Variants in ADAP1 observed in about 807,000 individuals in gnomAD.
ADAP1 encodes ArfGAP with dual PH domains 1.
A neutral mutation model predicts 54.9 loss-of-function variants in ADAP1; 31 were observed. That is an observed-to-expected ratio of 0.56 (90% CI 0.42 to 0.76). ADAP1 has a LOEUF of 0.76. Among genes scored for constraint, ADAP1 ranks in the 30% least tolerant of loss-of-function variants. The pLI is 0.00. For missense variants in ADAP1, 535 were observed against 512.4 expected (o/e 1.04, Z -0.42); for synonymous variants, 313 against 202.6 (o/e 1.55, Z -4.63).
rs373139881 is a variant in ADAP1 at position 906,064 on chromosome 7, GGA to G, written c.389-894_389-893del. Among the ~76,000 whole-genome samples, 12 of 3,478 alleles carry G rather than the reference GGA, an allele frequency of 3.5e-3. 3 individuals carry two copies. In the African/African-American group the frequency reaches 0.046, roughly 13 times the overall value. The allele number at this position is 3,478 out of a possible 152,430, so 2.3% of individuals were successfully genotyped here. ...AAAGGAGAAAGGAGAAAGGAGAAAGGGAGAAAGGAGAAAGGGAAAGGAGAAAG... is the reference window on the plus strand; with the variant it reads ...AAAGGAGAAAGGAGAAAGGAGAAAGGGAAAGGAGAAAGGGAAAGGAGAAAG... On this transcript the variant is annotated intron_variant, in intron 4 of 10. Transcript: ENST00000265846.
intron 6 of ADAP1, among the ~76,000 whole-genome samples, chr7:902,925 C>A (rs368301426): frequency 1.3e-5 from 2 of 152,196 alleles, no homozygotes; most frequent in African/African-American, 4.8e-5. Flanking sequence ...ACAGTCTAAG[C>A]CAGGCAGGAG....
chr7:903,743 C>T (rs1050637081), intron 6 of ADAP1, among the ~76,000 whole-genome samples: 4 of 152,158 alleles, frequency 2.6e-5, no homozygotes, highest in Non-Finnish European at 4.4e-5. Flanking sequence ...ATCTCCTCCC[C>T]GTAGGACCCC....
chr7:904,570 G>A (rs1845000289), intron 5 of ADAP1, among the ~76,000 whole-genome samples: 1 of 152,150 alleles, frequency 6.6e-6, no homozygotes, highest in Non-Finnish European at 1.5e-5. Flanking sequence ...CTCCCACAGG[G>A]GCAGGCCCCA....
intron 8 of ADAP1, 122 bp from the exon 9 acceptor site, chr7:899,612 C>CA (rs1283054526): frequency 8.7e-7 from 1 of 1,154,550 alleles, no homozygotes; most frequent in African/African-American, 1.6e-5. Flanking sequence ...TCCATTCACT[C>CA]ACGCCTGCCG....
intron 1 of ADAP1, among the ~76,000 whole-genome samples, chr7:947,444 G>A (rs544060950): frequency 4.6e-5 from 7 of 152,074 alleles, no homozygotes; most frequent in East Asian, 3.9e-4. Flanking sequence ...AGAGCTGCCC[G>A]TGTGGCTGCT....
chr7:946,788 G>A lies in ADAP1; in HGVS notation c.82+7608C>T, dbSNP rs1044769085. 5.3e-5 allele frequency among the ~76,000 whole-genome samples: 8 copies of A among 152,244 alleles called. No individual in the cohort carries two copies. The highest frequency in any genetic ancestry group is 4.1e-4 in the South Asian group (2 of 4,824). ...CTATTTTTGGAACTCGATAGAGGTG[G>A]TGGTTGAACAGCATGGAGAACGTTC... On this transcript the variant is annotated intron_variant, in intron 1 of 10. Transcript: ENST00000265846. This position sits in a 1 kb window ranked among gnomAD's most constrained non-coding sequence, Gnocchi z 4.3.
chr7:953,902 C>T (rs1211253003), intron 1 of ADAP1, among the ~76,000 whole-genome samples: 1 of 152,214 alleles, frequency 6.6e-6, no homozygotes, highest in African/African-American at 2.4e-5. Context: ...GAGCCGGGGG[C>T]AGGGGCGCCG....
intron 8 of ADAP1, 128 bp downstream of exon 8, chr7:899,974 G>A (rs749847826): frequency 3.5e-6 from 4 of 1,137,548 alleles, no homozygotes; most frequent in Non-Finnish European, 5.2e-6. Context: ...CACAGACAAG[G>A]GGCTGTGAGG....
At chr7:950,484 TCAA>T (rs1847240230) in intron 1 of ADAP1, among the ~76,000 whole-genome samples, 2 of 65,120 alleles carry the variant, frequency 3.1e-5, no homozygotes, top group Non-Finnish European at 2.7e-5. Flanking sequence ...AGACTCTGCC[TCAA>T]AAAAAAAAAA....
chr7:928,833 G>T (rs57403078), intron 2 of ADAP1, among the ~76,000 whole-genome samples: 1 of 152,144 alleles, frequency 6.6e-6, no homozygotes, highest in Non-Finnish European at 1.5e-5. Context: ...AGAGTCCAGC[G>T]ATTCCTCTGC....
chr7:908,634 C>T (rs962682629), intron 4 of ADAP1, among the ~76,000 whole-genome samples: 1 of 152,246 alleles, frequency 6.6e-6, no homozygotes, highest in Non-Finnish European at 1.5e-5. Flanking sequence ...TGAGCCCCTG[C>T]CCAGGCACAG....
At chr7:932,194 G>T (rs372184230) in intron 2 of ADAP1, among the ~76,000 whole-genome samples, 149 of 152,290 alleles carry the variant, frequency 9.8e-4, no homozygotes, top group African/African-American at 3.3e-3. Flanking sequence ...TCTCCCAAAG[G>T]CCCCATCGCA....
intron 4 of ADAP1, among the ~76,000 whole-genome samples, chr7:915,000 G>C (rs1317832657): frequency 1.2e-5 from 1 of 85,010 alleles, no homozygotes; most frequent in African/African-American, 5.7e-5. Context: ...GATCCCAGCA[G>C]CCTCCCTGCA....
At chr7:918,677 C>T (rs79387344) in intron 4 of ADAP1, among the ~76,000 whole-genome samples, 1,629 of 152,306 alleles carry the variant, frequency 0.011, 33 homozygotes, top group African/African-American at 0.038. Context: ...TGCTGACGTT[C>T]AGAACCAGGC....
At chr7:933,278 A>T (rs544818137) in intron 2 of ADAP1, among the ~76,000 whole-genome samples, 14 of 152,008 alleles carry the variant, frequency 9.2e-5, no homozygotes, top group South Asian at 4.2e-4. Context: ...CTCAAAAAAA[A>T]AAAAGAATTC....
At position 954,635 on chromosome 7, in the gene ADAP1, G is replaced by GCTC. The variant is rs1847345009; in HGVS notation, c.-161_-159dup. 1 of 982,116 alleles carries GCTC rather than the reference G, an allele frequency of 1.0e-6. No individual in the cohort carries two copies. The highest frequency in any genetic ancestry group is 1.2e-6 in the Non-Finnish European group (1 of 828,712). 60.8% of individuals were successfully genotyped at this position (982,116 alleles called of 1,614,324 possible). A position where few individuals can be genotyped will look rare whatever the true frequency, so the allele number is the denominator to read the frequency against. On this transcript the variant is annotated 5_prime_UTR_variant, in exon 1 of 11. Transcript: ENST00000265846. ...GTTCCGCATTCCCGCCGCCCTCTGG[G>GCTC]CTCCGCCGCCGCCGCTCGTGTCTCC...
At chr7:921,731 G>A (rs1192819559) in intron 3 of ADAP1, among the ~76,000 whole-genome samples, 1 of 152,214 alleles carries the variant, frequency 6.6e-6, no homozygotes, top group Admixed American at 6.5e-5. Context: ...CGGAGGAGTT[G>A]CCCCCTAGCA....
intron 4 of ADAP1, among the ~76,000 whole-genome samples, chr7:917,670 A>T (rs1040395471): frequency 6.6e-6 from 1 of 152,098 alleles, no homozygotes; most frequent in African/African-American, 2.4e-5. Flanking sequence ...TGCCACGTTG[A>T]CCAGATTGGT....
chr7:949,179 G>A (rs1286772104), intron 1 of ADAP1, among the ~76,000 whole-genome samples: 1 of 152,230 alleles, frequency 6.6e-6, no homozygotes, highest in Non-Finnish European at 1.5e-5. Flanking sequence ...ACGGAGCGGG[G>A]GAAGGCGCCT....
Sources: gnomAD v4.1 joint callset for allele counts (sites outside exome capture counted in the v4.1 genomes callset) on GRCh38, gnomAD v4.1.1 for gene constraint, Gnocchi (gnomAD v3.1) non-coding constraint, MANE v1.5 for transcripts, NCBI Gene and HGNC (gene_info 2026-07-23, HGNC 2026-07-21) for gene names.